Variants in PHACTR1 observed in about 807,000 individuals in gnomAD.
The protein encoded by PHACTR1 is phosphatase and actin regulator 1, also known as RPEL repeat containing 1.
Under a neutral mutation model 69.2 loss-of-function variants are expected in PHACTR1, and 16 were observed. That is an observed-to-expected ratio of 0.23 (90% CI 0.16 to 0.35). The LOEUF is 0.35. Among genes scored for constraint, PHACTR1 ranks in the 10% least tolerant of loss-of-function variants. The pLI is 1.00. For missense variants in PHACTR1, 510 were observed against 734.7 expected, an observed-to-expected ratio of 0.69 and a Z score of 3.54; for synonymous variants, 312 against 284.5, an observed-to-expected ratio of 1.10 and a Z score of -0.97.
In PHACTR1 at chr6:13,239,871, C is replaced by A. The variant is rs538410531; in HGVS notation, c.1391+9678C>A. The stretch of plus-strand genomic sequence containing the variant: ...GGCCCCGTCTGCAAGCCCAGTACCG[C>A]ATGTTGAGGAGCAGAGCCACATCTT... On this transcript the variant is annotated intron_variant, in intron 10 of 14. Transcript: ENST00000332995. Among the ~76,000 whole-genome samples the A allele has an allele frequency of 7.9e-5, 12 of 152,312 alleles. No individual in the cohort carries two copies. The East Asian group carries it at 2.1e-3, about 27-fold the overall frequency.
intron 5 of PHACTR1, among the ~76,000 whole-genome samples, chr6:13,152,669 T>C (rs2113464032): frequency 6.6e-6 from 1 of 152,352 alleles, no homozygotes; most frequent in East Asian, 1.9e-4. Context: ...TTTCCTTCTT[T>C]ACAAACTAGT....
Position 12,907,972 on chromosome 6 carries a change from A to G in PHACTR1, c.251-145393A>G, listed in dbSNP as rs540805503. On this transcript the variant is annotated intron_variant, in intron 4 of 14. Transcript: ENST00000332995. ...TATTATTTCACAATATAAAAAGACA[A>G]CCTGTGTGTCCATCTATGTGATTCT... Among the ~76,000 whole-genome samples the G allele has an allele frequency of 2.6e-5, 4 of 152,336 alleles. No individual in the cohort carries two copies. The East Asian group carries it at 5.8e-4, about 22-fold the overall frequency.
At chr6:13,123,878 G>A (rs1345428026) in intron 5 of PHACTR1, among the ~76,000 whole-genome samples, 1 of 152,126 alleles carries the variant, frequency 6.6e-6, no homozygotes, top group Non-Finnish European at 1.5e-5. Context: ...GCAGAGGCTG[G>A]GGACACAGGC....
At chr6:12,761,703 CCTT>C (rs1768035020) in intron 4 of PHACTR1, among the ~76,000 whole-genome samples, 1 of 152,214 alleles carries the variant, frequency 6.6e-6, no homozygotes, top group African/African-American at 2.4e-5. Context: ...CAGGGAGCAT[CCTT>C]CTTTTTCAAT....
chr6:12,950,207 T>C (rs1295490652), intron 4 of PHACTR1, among the ~76,000 whole-genome samples: 1 of 152,228 alleles, frequency 6.6e-6, no homozygotes, highest in South Asian at 2.1e-4. Flanking sequence ...CTGGGAACTC[T>C]CTGGTCCCTC....
At chr6:13,117,620 G>C (rs1818009486) in intron 5 of PHACTR1, among the ~76,000 whole-genome samples, 1 of 152,172 alleles carries the variant, frequency 6.6e-6, no homozygotes, top group Non-Finnish European at 1.5e-5. Context: ...TCTAGTCAAG[G>C]AGCTGGGTTA....
At chr6:12,884,077 C>G (rs1458326131) in intron 4 of PHACTR1, among the ~76,000 whole-genome samples, 1 of 152,098 alleles carries the variant, frequency 6.6e-6, no homozygotes, top group Non-Finnish European at 1.5e-5. Context: ...CACATACACA[C>G]ACATACACAA....
At chr6:13,122,912 C>G (rs186519055) in intron 5 of PHACTR1, among the ~76,000 whole-genome samples, 2 of 152,108 alleles carry the variant, frequency 1.3e-5, no homozygotes, top group African/African-American at 4.8e-5. Context: ...AATATTCATT[C>G]GAGGCAGCAC....
intron 4 of PHACTR1, among the ~76,000 whole-genome samples, chr6:12,900,595 G>A (rs1294941091): frequency 2.6e-5 from 4 of 152,162 alleles, no homozygotes; most frequent in South Asian, 2.1e-4. Flanking sequence ...CTACTTGGGC[G>A]GCTGAGTGGG....
intron 5 of PHACTR1, among the ~76,000 whole-genome samples, chr6:13,059,858 G>A (rs1224673172): frequency 6.6e-6 from 1 of 152,028 alleles, no homozygotes. Context: ...GAAAAAGAGA[G>A]GTCTGGGCTG....
intron 4 of PHACTR1, among the ~76,000 whole-genome samples, chr6:12,995,624 A>C (rs750165201): frequency 3.9e-5 from 6 of 152,048 alleles, no homozygotes; most frequent in Non-Finnish European, 8.8e-5. Context: ...ATAGATAAAT[A>C]ATTATGTATT....
At chr6:12,959,176 CAAA>C (rs70989814) in intron 4 of PHACTR1, among the ~76,000 whole-genome samples, 8 of 46,256 alleles carry the variant, frequency 1.7e-4, no homozygotes, top group Admixed American at 1.1e-3. Flanking sequence ...GACTTTATCT[CAAA>C]AAAAAAAAAA....
At chr6:12,905,977 G>A (rs918957985) in intron 4 of PHACTR1, among the ~76,000 whole-genome samples, 1 of 152,152 alleles carries the variant, frequency 6.6e-6, no homozygotes, top group African/African-American at 2.4e-5. Context: ...GAACAGAAGT[G>A]GAATGGTTTT....
intron 8 of PHACTR1, among the ~76,000 whole-genome samples, chr6:13,211,610 G>A (rs929541084): frequency 4.6e-5 from 7 of 152,096 alleles, no homozygotes; most frequent in African/African-American, 1.7e-4. Flanking sequence ...ACTTTCAGTC[G>A]CTCATGCCAA....
chr6:12,764,794 T>G (rs367993137), intron 4 of PHACTR1, among the ~76,000 whole-genome samples: 8 of 152,092 alleles, frequency 5.3e-5, no homozygotes, highest in African/African-American at 1.9e-4. Context: ...TCTATCATCA[T>G]GCATAGAAGG....
At chr6:12,951,286 T>A (rs1791262423) in intron 4 of PHACTR1, among the ~76,000 whole-genome samples, 1 of 152,210 alleles carries the variant, frequency 6.6e-6, no homozygotes, top group African/African-American at 2.4e-5. Flanking sequence ...ACCTTTCTTG[T>A]TTATCGTATT....
intron 5 of PHACTR1, among the ~76,000 whole-genome samples, chr6:13,102,506 T>C (rs1815336190): frequency 6.6e-6 from 1 of 152,190 alleles, no homozygotes; most frequent in South Asian, 2.1e-4. Flanking sequence ...AACTTCAGCA[T>C]TTAACATCAT....
At chr6:12,764,877 T>C (rs1315916608) in intron 4 of PHACTR1, among the ~76,000 whole-genome samples, 1 of 152,080 alleles carries the variant, frequency 6.6e-6, no homozygotes, top group African/African-American at 2.4e-5. Context: ...ATGGTCTGAG[T>C]GCTCTTGGTG....
At chr6:13,253,781 C>T (rs965313578) in intron 10 of PHACTR1, among the ~76,000 whole-genome samples, 27 of 152,340 alleles carry the variant, frequency 1.8e-4, no homozygotes, top group African/African-American at 4.8e-4. Flanking sequence ...GGGAGGTCAG[C>T]TGCATGGACG....
Sources: allele counts gnomAD v4.1 joint callset (sites outside exome capture counted in the v4.1 genomes callset), GRCh38; gene constraint gnomAD v4.1.1; transcripts MANE v1.5; gene names NCBI Gene and HGNC (gene_info 2026-07-23, HGNC 2026-07-21).